Variants in STAG1 observed in about 807,000 individuals in gnomAD.
STAG1 encodes the protein cohesin subunit SA-1.
A neutral mutation model predicts 170.9 loss-of-function variants in STAG1; 26 were observed. The observed-to-expected ratio is 0.15, with a 90% CI of 0.11 to 0.21. The LOEUF (loss-of-function observed/expected upper bound fraction) is 0.21. STAG1 is among the 10% of genes least tolerant of loss of function. The pLI is 1.00. For synonymous variants in STAG1, 514 were observed against 497.7 expected, an observed-to-expected ratio of 1.03 and a Z score of -0.44; for missense variants, 964 against 1,509.5, an observed-to-expected ratio of 0.64 and a Z score of 5.99.
intron 7 of STAG1, among the ~76,000 whole-genome samples, chr3:136,509,945 T>A (rs192035971): frequency 2.0e-5 from 3 of 152,362 alleles, no homozygotes; most frequent in Admixed American, 2.0e-4. Context: ...GTGATTATAG[T>A]ACTTTATTTT....
At chr3:136,468,528 CA>C (rs1368846010) in intron 12 of STAG1, among the ~76,000 whole-genome samples, 2 of 151,956 alleles carry the variant, frequency 1.3e-5, no homozygotes, top group Non-Finnish European at 2.9e-5. Context: ...GCCTACCAAC[CA>C]AAAAAAGTCC....
At chr3:136,675,841 C>T (rs1942113487) in intron 1 of STAG1, among the ~76,000 whole-genome samples, 1 of 152,190 alleles carries the variant, frequency 6.6e-6, no homozygotes. Context: ...TTTCTCTTTT[C>T]TCCATCAACT....
chr3:136,654,640 T>G (rs1034073730), intron 1 of STAG1, among the ~76,000 whole-genome samples: 1 of 152,198 alleles, frequency 6.6e-6, no homozygotes, highest in Non-Finnish European at 1.5e-5. Flanking sequence ...ATCCTAAAAT[T>G]TATATGGAAT....
intron 1 of STAG1, among the ~76,000 whole-genome samples, chr3:136,725,604 G>A (rs989697799): frequency 6.6e-6 from 1 of 152,292 alleles, no homozygotes; most frequent in African/African-American, 2.4e-5. Flanking sequence ...AGTAGATGAA[G>A]CTGTATTATG....
At chr3:136,461,747 C>G (rs2089281247) in intron 13 of STAG1, among the ~76,000 whole-genome samples, 1 of 151,980 alleles carries the variant, frequency 6.6e-6, no homozygotes, top group African/African-American at 2.4e-5. Context: ...GCAAAGGGAT[C>G]AATAAAGAGA....
chr3:136,742,645 G>A (rs934648946), intron 1 of STAG1, among the ~76,000 whole-genome samples: 2 of 151,740 alleles, frequency 1.3e-5, no homozygotes, highest in African/African-American at 4.8e-5. Flanking sequence ...AACCTGGAAG[G>A]TGGAGGTTTC....
chr3:136,635,418 C>T (rs1201379328), intron 1 of STAG1, among the ~76,000 whole-genome samples: 1 of 152,100 alleles, frequency 6.6e-6, no homozygotes, highest in African/African-American at 2.4e-5. Flanking sequence ...AAATCCAACA[C>T]CCATTCATAA....
chr3:136,570,663 C>G (rs1320825664), intron 4 of STAG1, among the ~76,000 whole-genome samples: 1 of 152,190 alleles, frequency 6.6e-6, no homozygotes, highest in East Asian at 1.9e-4. Context: ...GTATGACATC[C>G]AGCAAGATGT....
At chr3:136,588,954 GGTT>G (rs1937996453) in intron 4 of STAG1, among the ~76,000 whole-genome samples, 1 of 152,040 alleles carries the variant, frequency 6.6e-6, no homozygotes, top group East Asian at 2.0e-4. Flanking sequence ...GCAGAGAAGG[GGTT>G]TCACTATGTT....
At chr3:136,723,034 G>A (rs1424913426) in intron 1 of STAG1, among the ~76,000 whole-genome samples, 3 of 152,192 alleles carry the variant, frequency 2.0e-5, no homozygotes, top group African/African-American at 4.8e-5. Context: ...CGTGATCTCC[G>A]CTCGCTACAA....
intron 4 of STAG1, among the ~76,000 whole-genome samples, chr3:136,579,818 G>C (rs1293433468): frequency 6.6e-6 from 1 of 152,108 alleles, no homozygotes; most frequent in South Asian, 2.1e-4. Flanking sequence ...AATGCTGTCA[G>C]TGTATACGTA....
At chr3:136,535,049 C>T (rs1455350964) in intron 6 of STAG1, among the ~76,000 whole-genome samples, 4 of 152,114 alleles carry the variant, frequency 2.6e-5, no homozygotes, top group Non-Finnish European at 5.9e-5. Context: ...ATACATATAA[C>T]AGGATACTAT....
intron 22 of STAG1, among the ~76,000 whole-genome samples, chr3:136,384,801 A>G (rs1370455297): frequency 2.6e-5 from 4 of 152,036 alleles, no homozygotes; most frequent in East Asian, 1.9e-4. Flanking sequence ...AAGAAATTTG[A>G]AAGTTGAATT....
At chr3:136,729,435 A>G (rs781066393) in intron 1 of STAG1, among the ~76,000 whole-genome samples, 13 of 152,330 alleles carry the variant, frequency 8.5e-5, no homozygotes, top group Middle Eastern at 6.8e-3. Context: ...AATTATCAAT[A>G]TATTAAAGCA....
chr3:136,510,366 T>C (rs1933992488), intron 7 of STAG1, among the ~76,000 whole-genome samples: 1 of 152,166 alleles, frequency 6.6e-6, no homozygotes, highest in South Asian at 2.1e-4. Context: ...CTCAGCTCAC[T>C]GCAACCCCCG....
At chr3:136,418,580 G>A (rs10935182) in intron 20 of STAG1, among the ~76,000 whole-genome samples, 55,800 of 150,986 alleles carry the variant, frequency 0.37, 12,889 homozygotes, top group East Asian at 0.8. Flanking sequence ...TCTACCACAT[G>A]GTCAAGCTAA....
At chr3:136,395,592 C>G (rs1324788730) in intron 22 of STAG1, among the ~76,000 whole-genome samples, 1 of 151,940 alleles carries the variant, frequency 6.6e-6, no homozygotes, top group Non-Finnish European at 1.5e-5. Context: ...CTGCACTCCT[C>G]CAGCCTAGGT....
chr3:136,436,993 A>C (rs1265352524), intron 15 of STAG1, among the ~76,000 whole-genome samples: 1 of 152,246 alleles, frequency 6.6e-6, no homozygotes, highest in Non-Finnish European at 1.5e-5. Context: ...TTTTTGCTCA[A>C]TAACAACTAA....
chr3:136,370,077 TATACTATAC>T, intron 23 of STAG1, among the ~76,000 whole-genome samples: 1 of 151,020 alleles, frequency 6.6e-6, no homozygotes. Flanking sequence ...TATACTATAC[TATACTATAC>T]TATACTATAC....
Sources: allele counts gnomAD v4.1 joint callset (sites outside exome capture counted in the v4.1 genomes callset), GRCh38; gene constraint gnomAD v4.1.1; transcripts MANE v1.5; gene names NCBI Gene and HGNC (gene_info 2026-07-23, HGNC 2026-07-21).